Variants in TNFRSF11A observed in about 807,000 individuals in gnomAD.
The protein encoded by TNFRSF11A is tumor necrosis factor receptor superfamily member 11A.
TNFRSF11A carries 32 observed loss-of-function variants against 55.7 expected under a neutral mutation model. That is an observed-to-expected ratio of 0.57 (90% confidence interval 0.43 to 0.77). TNFRSF11A has a LOEUF of 0.77. Ranked by LOEUF, TNFRSF11A falls within the 30% of genes least tolerant of loss-of-function variation. The probability of loss-of-function intolerance (pLI) is 0.00; values close to 1 mark genes in which losing one functional copy is unlikely to be tolerated. For synonymous variants in TNFRSF11A, 311 were observed against 331.0 expected, an observed-to-expected ratio of 0.94 and a Z score of 0.65; for missense variants, 753 against 809.8, an observed-to-expected ratio of 0.93 and a Z score of 0.85.
At chr18:62,365,908 G>A (rs1229306307) in intron 7 of TNFRSF11A, among the ~76,000 whole-genome samples, 1 of 151,994 alleles carries the variant, frequency 6.6e-6, no homozygotes, top group African/African-American at 2.4e-5. Flanking sequence ...GCCTCCGCCT[G>A]CCAGGTTCAA....
chr18:62,335,734 A>G (rs1044974942), intron 1 of TNFRSF11A, among the ~76,000 whole-genome samples: 1 of 152,166 alleles, frequency 6.6e-6, no homozygotes, highest in African/African-American at 2.4e-5. Context: ...GGTATCTCGG[A>G]TTTTGTCCCA....
At chr18:62,363,524 A>G (rs1357682785) in intron 7 of TNFRSF11A, among the ~76,000 whole-genome samples, 2 of 151,890 alleles carry the variant, frequency 1.3e-5, no homozygotes, top group Non-Finnish European at 1.5e-5. Flanking sequence ...ATTTGCCACC[A>G]TGCCTGGCTA....
Position 62,385,139 on chromosome 18 carries a change from C to A in TNFRSF11A, c.*105C>A. Reference sequence around the variant, plus strand: ...CCACCCAGGGATCGATCGGTACAGTCGAGGAAGACCACCCGGCATTCTCTG... The same window carrying A: ...CCACCCAGGGATCGATCGGTACAGTAGAGGAAGACCACCCGGCATTCTCTG... On this transcript the variant is annotated 3_prime_UTR_variant, in exon 10 of 10. Coordinates refer to ENST00000586569, the MANE Select transcript of TNFRSF11A (RefSeq NM_003839.4). The A allele has an allele frequency of 8.0e-7, 1 of 1,256,928 alleles. No homozygotes were observed. The highest frequency in any genetic ancestry group is 1.9e-5 in the South Asian group (1 of 53,246). 77.9% of individuals were successfully genotyped at this position (1,256,928 alleles called of 1,614,324 possible).
chr18:62,334,530 G>A (rs2046202075), intron 1 of TNFRSF11A, among the ~76,000 whole-genome samples: 1 of 152,182 alleles, frequency 6.6e-6, no homozygotes, highest in South Asian at 2.1e-4. Context: ...ACAGTGATAG[G>A]TTAAACCTTT....
At chr18:62,339,646 G>C (rs1031318883) in intron 1 of TNFRSF11A, among the ~76,000 whole-genome samples, 1 of 152,222 alleles carries the variant, frequency 6.6e-6, no homozygotes, top group Non-Finnish European at 1.5e-5. Flanking sequence ...TGCAGGTATG[G>C]GAGAGAGCTC....
Position 62,347,838 on chromosome 18 carries a change from A to T in TNFRSF11A, c.76-330A>T, listed in dbSNP as rs1481983223. Among the ~76,000 whole-genome samples, 3 of 151,464 alleles carry T rather than the reference A, an allele frequency of 2.0e-5. No individual in the cohort carries two copies. The South Asian group carries it at 6.3e-4, about 32-fold the overall frequency. The stretch of plus-strand genomic sequence containing the variant: ...AGAATCGCCTGAAACCAGAAAGCAG[A>T]GGTTGCAGTGAGGTGAGGTTGCGCC... On this transcript the variant is annotated intron_variant, in intron 1 of 9. Coordinates refer to ENST00000586569, the MANE Select transcript of TNFRSF11A (RefSeq NM_003839.4).
At chr18:62,373,634 T>C (rs1326668700) in intron 9 of TNFRSF11A, among the ~76,000 whole-genome samples, 1 of 152,162 alleles carries the variant, frequency 6.6e-6, no homozygotes, top group African/African-American at 2.4e-5. Context: ...CTCCTAGTTC[T>C]TTGGTCTGCT....
chr18:62,369,803 A>G (rs747709447), intron 9 of TNFRSF11A, among the ~76,000 whole-genome samples: 1 of 152,182 alleles, frequency 6.6e-6, no homozygotes, highest in Non-Finnish European at 1.5e-5. Flanking sequence ...CCGGAAAGAC[A>G]AAGTCAACAT....
At chr18:62,375,786 A>T (rs996941701) in intron 9 of TNFRSF11A, among the ~76,000 whole-genome samples, 47 of 152,216 alleles carry the variant, frequency 3.1e-4, no homozygotes, top group African/African-American at 1.1e-3. Context: ...GGATCTCTTG[A>T]ACCCAGGAGT....
chr18:62,374,239 G>C (rs116704216), intron 9 of TNFRSF11A: 2 of 152,084 alleles, frequency 1.3e-5, no homozygotes, highest in Non-Finnish European at 2.9e-5. Context: ...CCTTCTTTCT[G>C]CACTGATAGG....
At position 62,388,252 on chromosome 18, in the gene TNFRSF11A, T is replaced by C. The variant is rs73963411; in HGVS notation, c.*3218T>C. 7,542 of 152,296 alleles carry C rather than the reference T, an allele frequency of 0.05. 510 individuals are homozygous for C. Among genetic ancestry groups the C allele is most frequent in the African/African-American group, 0.16 (6,517 of 41,534 alleles). The allele number at this position is 152,296 out of a possible 1,614,324, so 9.4% of individuals were successfully genotyped here. On this transcript the variant is annotated 3_prime_UTR_variant, in exon 10 of 10. Coordinates refer to ENST00000586569, the MANE Select transcript of TNFRSF11A (RefSeq NM_003839.4). ...CCAGGCTGTGTGCTCTCCACCTGTC[T>C]CCCATCCTTCCAGCCACCTAGCTGG... is the stretch of plus-strand genomic sequence containing the variant.
chr18:62,359,233 A>T (rs925147183), intron 5 of TNFRSF11A, among the ~76,000 whole-genome samples: 6 of 152,194 alleles, frequency 3.9e-5, no homozygotes, highest in Admixed American at 6.5e-5. Context: ...TTTTTAAACA[A>T]TGAAAATTAA....
chr18:62,361,754 T>C lies in TNFRSF11A; in HGVS notation c.691T>C (p.Phe231Leu). ...ASVALVAAII[F>L]GVCYRKKGKA... The stretch of plus-strand genomic sequence containing the variant: ...TGTGGCCCTGGTGGCTGCCATCATC[T>C]TTGGCGTTTGCTATAGGAAAAAAGG... The change falls in exon 7 of 10, where the codon TTT becomes CTT. Residue 231 changes from phenylalanine (F) to leucine (L), a missense_variant. Phe to Leu is a conservative substitution (Grantham distance 22, BLOSUM62 0). This residue lies in a region of TNFRSF11A where 567 missense variants were observed against 596.7 expected (regional missense o/e 0.95). Coordinates refer to ENST00000586569, the MANE Select transcript of TNFRSF11A (RefSeq NM_003839.4). The C allele has an allele frequency of 6.2e-7, 1 of 1,614,210 alleles. No individual in the cohort carries two copies. The highest frequency in any genetic ancestry group is 1.1e-5 in the South Asian group (1 of 91,082).
At position 62,387,320 on chromosome 18, in the gene TNFRSF11A, T is replaced by A. The variant is rs745842888; in HGVS notation, c.*2286T>A. The A allele has an allele frequency of 1.3e-5, 2 of 152,198 alleles. No homozygotes were observed. Among genetic ancestry groups the A allele is most frequent in the Admixed American group, 6.5e-5 (1 of 15,282 alleles). 9.4% of individuals were successfully genotyped at this position (152,198 alleles called of 1,614,324 possible). On this transcript the variant is annotated 3_prime_UTR_variant, in exon 10 of 10. Coordinates refer to ENST00000586569, the MANE Select transcript of TNFRSF11A (RefSeq NM_003839.4). ...TCTGTGTCTGTGTACTGTAGAGATGTATGTGACAAGTGTAAACAAAATGAA... is the reference window on the plus strand; with the variant it reads ...TCTGTGTCTGTGTACTGTAGAGATGAATGTGACAAGTGTAAACAAAATGAA...
At position 62,388,752 on chromosome 18, in the gene TNFRSF11A, G is replaced by A. The variant is rs1004513512; in HGVS notation, c.*3718G>A. The A allele has an allele frequency of 1.3e-5, 2 of 152,224 alleles. No homozygotes were observed. Among genetic ancestry groups the A allele is most frequent in the Non-Finnish European group, 2.9e-5 (2 of 68,038 alleles). 9.4% of individuals were successfully genotyped at this position (152,224 alleles called of 1,614,324 possible). A position where few individuals can be genotyped will look rare whatever the true frequency, so the allele number is the denominator to read the frequency against. On this transcript the variant is annotated 3_prime_UTR_variant, in exon 10 of 10. Transcript: ENST00000586569. Reference sequence around the variant, plus strand: ...AGGTGATTTGGGAATTGAGCCTACTGTACTGCTTCCACATTCCTTTGGCAC... The same window carrying A: ...AGGTGATTTGGGAATTGAGCCTACTATACTGCTTCCACATTCCTTTGGCAC...
chr18:62,366,995 C>CAGCTCCTGTAATCCCAGTGGTAG (rs1910137994), intron 8 of TNFRSF11A, among the ~76,000 whole-genome samples: 1 of 152,174 alleles, frequency 6.6e-6, no homozygotes, highest in South Asian at 2.1e-4. Flanking sequence ...ATTACAGGAG[C>CAGCTCCTGTAATCCCAGTGGTAG]CCACTACCAA....
At chr18:62,376,658 TATCCTGGCATGC>T (rs1396054106) in intron 9 of TNFRSF11A, among the ~76,000 whole-genome samples, 1 of 152,168 alleles carries the variant, frequency 6.6e-6, no homozygotes, top group African/African-American at 2.4e-5. Context: ...TGGACCAATG[TATCCTGGCATGC>T]ATCCACCATG....
intron 9 of TNFRSF11A, among the ~76,000 whole-genome samples, chr18:62,376,535 C>T (rs1910909875): frequency 6.6e-6 from 1 of 152,146 alleles, no homozygotes. Context: ...CTATATACCT[C>T]CTGCCCCCCA....
chr18:62,349,987 C>A (rs1460751234), intron 3 of TNFRSF11A, 50 bp downstream of exon 3: 1 of 1,609,086 alleles, frequency 6.2e-7, no homozygotes, highest in East Asian at 2.2e-5. Flanking sequence ...AACCTCAGAC[C>A]TCTTTTTCTA....
Sources: gnomAD v4.1 joint callset for allele counts (sites outside exome capture counted in the v4.1 genomes callset) on GRCh38, gnomAD v4.1.1 for gene constraint, gnomAD v4.1.1 regional missense constraint, MANE v1.5 for transcripts, NCBI Gene and HGNC (gene_info 2026-07-23, HGNC 2026-07-21) for gene names.